Variants in RGS6 observed in about 807,000 individuals in gnomAD.
RGS6 encodes the protein regulator of G-protein signaling 6.
RGS6 carries 30 observed loss-of-function variants against 78.5 expected under a neutral mutation model. The ratio of observed to expected loss-of-function variants is 0.38; its 90% CI spans 0.29 to 0.52. The LOEUF (loss-of-function observed/expected upper bound fraction) is 0.52. Ranked by LOEUF, RGS6 falls within the 20% of genes least tolerant of loss-of-function variation. The pLI is 0.85. For synonymous variants in RGS6, 206 were observed against 206.0 expected (o/e 1.00, Z 0.00); for missense variants, 495 against 609.7 (o/e 0.81, Z 1.98).
At chr14:72,551,861 T>A (rs1368686114) in intron 17 of RGS6, among the ~76,000 whole-genome samples, 1 of 152,240 alleles carries the variant, frequency 6.6e-6, no homozygotes, top group Non-Finnish European at 1.5e-5. Flanking sequence ...ATCACTTAGT[T>A]GTTTGAATTG....
At chr14:72,056,201 G>A (rs1037781557) in intron 2 of RGS6, among the ~76,000 whole-genome samples, 5 of 152,186 alleles carry the variant, frequency 3.3e-5, no homozygotes, top group African/African-American at 1.2e-4. Context: ...GGGATGTGAA[G>A]CCCAGAGAAG....
rs192116248 is a variant in RGS6, at chr14:71,964,398, C to T, written c.-20-374C>T. Reference sequence around the variant, plus strand: ...GCACATGCCTGTAATGCCAGCTACTCGGGAGGCTGAGGCAGGAGAATCACT... The same window carrying T: ...GCACATGCCTGTAATGCCAGCTACTTGGGAGGCTGAGGCAGGAGAATCACT... On this transcript the variant is annotated intron_variant, in intron 1 of 17. Coordinates refer to ENST00000553525, the MANE Select transcript of RGS6 (RefSeq NM_001204424.2). Among the ~76,000 whole-genome samples the T allele has an allele frequency of 2.2e-3, 337 of 152,006 alleles. 2 individuals are homozygous for T. The highest frequency in any genetic ancestry group is 2.4e-3 in the Non-Finnish European group (162 of 67,980).
intron 3 of RGS6, among the ~76,000 whole-genome samples, chr14:72,412,749 G>C (rs1177057927): frequency 6.6e-6 from 1 of 152,172 alleles, no homozygotes; most frequent in Non-Finnish European, 1.5e-5. Flanking sequence ...ATGTGTCCCA[G>C]AGATTCTGGT....
chr14:72,269,567 ATTTTTTTTT>A (rs56171281), intron 2 of RGS6, among the ~76,000 whole-genome samples: 4 of 120,334 alleles, frequency 3.3e-5, no homozygotes, highest in African/African-American at 1.3e-4. Flanking sequence ...CCTATCTTAA[ATTTTTTTTT>A]TTTTTTTTTT....
chr14:72,253,791 C>T (rs144303899), intron 2 of RGS6, among the ~76,000 whole-genome samples: 227 of 152,320 alleles, frequency 1.5e-3, no homozygotes, highest in Admixed American at 2.7e-3. Context: ...CCAACCTATG[C>T]TGGACATTCA....
At chr14:72,076,706 C>T (rs1030869840) in intron 2 of RGS6, among the ~76,000 whole-genome samples, 6 of 151,756 alleles carry the variant, frequency 4.0e-5, no homozygotes, top group Non-Finnish European at 7.4e-5. Context: ...TTTAAAATCT[C>T]GTTTTGTAGA....
chr14:72,209,664 G>T (rs530987611), intron 2 of RGS6, among the ~76,000 whole-genome samples: 2 of 152,280 alleles, frequency 1.3e-5, no homozygotes, highest in African/African-American at 4.8e-5. Context: ...TAGATGGCCA[G>T]GAGAAAAGCA....
chr14:71,975,693 G>A (rs978838179), intron 2 of RGS6, among the ~76,000 whole-genome samples: 4 of 152,110 alleles, frequency 2.6e-5, no homozygotes, highest in Admixed American at 6.5e-5. Flanking sequence ...TCTTGACCTC[G>A]TGATCCTCCC....
Position 72,191,874 on chromosome 14 carries a change from C to T in RGS6, c.85-160221C>T, listed in dbSNP as rs114048440. Among the ~76,000 whole-genome samples, 322 of 152,316 alleles carry T rather than the reference C, an allele frequency of 2.1e-3. 1 individual carries two copies. The highest frequency in any genetic ancestry group is 7.3e-3 in the African/African-American group (305 of 41,562). Reference sequence around the variant, plus strand: ...CATCTCTGCTGAGCTGGCCCCTGCTCATCCTTCAGAACTCGATCAAGTGCT... The same window carrying T: ...CATCTCTGCTGAGCTGGCCCCTGCTTATCCTTCAGAACTCGATCAAGTGCT... On this transcript the variant is annotated intron_variant, in intron 2 of 17. Transcript: ENST00000553525.
chr14:71,990,583 C>T (rs1482724260), intron 2 of RGS6: 1 of 455,956 alleles, frequency 2.2e-6, no homozygotes, highest in East Asian at 6.9e-5. Flanking sequence ...ATTTCACAAG[C>T]ATTCTGTCTT....
Position 72,159,458 on chromosome 14 carries a change from C to T in RGS6, c.85-192637C>T, listed in dbSNP as rs547527057. Among the ~76,000 whole-genome samples the T allele has an allele frequency of 1.4e-4, 22 of 152,306 alleles. No homozygotes were observed. In the South Asian group the frequency reaches 4.1e-3, roughly 29 times the overall value. ...CTCAAAGCAGAACTTTGCCTCTTGG[C>T]CTCTCAGTCAATTGTGATCTGACTG... is the stretch of plus-strand genomic sequence containing the variant. On this transcript the variant is annotated intron_variant, in intron 2 of 17. Coordinates refer to ENST00000553525, the MANE Select transcript of RGS6 (RefSeq NM_001204424.2).
chr14:71,967,722 T>A (rs2093605738), intron 2 of RGS6, among the ~76,000 whole-genome samples: 1 of 152,200 alleles, frequency 6.6e-6, no homozygotes, highest in Admixed American at 6.5e-5. Context: ...TTGTGTTGAT[T>A]CAGATGCTGA....
At chr14:72,017,806 T>C (rs1010727500) in intron 2 of RGS6, among the ~76,000 whole-genome samples, 2 of 152,078 alleles carry the variant, frequency 1.3e-5, no homozygotes, top group African/African-American at 4.8e-5. Context: ...AGTTCCAGGG[T>C]ACATGTGCAG....
At chr14:72,014,915 T>C (rs1474932257) in intron 2 of RGS6, among the ~76,000 whole-genome samples, 1 of 152,218 alleles carries the variant, frequency 6.6e-6, no homozygotes, top group East Asian at 1.9e-4. Context: ...CAGGTGTGCT[T>C]GTACCTTTTG....
chr14:72,021,041 C>A (rs1487359239), intron 2 of RGS6, among the ~76,000 whole-genome samples: 1 of 152,218 alleles, frequency 6.6e-6, no homozygotes, highest in Non-Finnish European at 1.5e-5. Flanking sequence ...GTCTTGCCAA[C>A]TGGGACCAAG....
intron 2 of RGS6, among the ~76,000 whole-genome samples, chr14:72,215,774 C>T (rs913485746): frequency 1.6e-4 from 24 of 152,122 alleles, no homozygotes; most frequent in Admixed American, 1.2e-3. Context: ...GTAAGCATGC[C>T]AGGGCAAATA....
In RGS6 at chr14:72,049,522, C is replaced by T. The variant is rs185497506; in HGVS notation, c.84+84647C>T. Among the ~76,000 whole-genome samples the T allele has an allele frequency of 9.2e-5, 14 of 152,308 alleles. No individual in the cohort carries two copies. The East Asian group carries it at 2.3e-3, about 25-fold the overall frequency. ...AAATCTCTCATCTTTTGCAGATGCA[C>T]TGAGATCCCATCAGTAGACAGAGAA... On this transcript the variant is annotated intron_variant, in intron 2 of 17. Coordinates refer to ENST00000553525, the MANE Select transcript of RGS6 (RefSeq NM_001204424.2).
chr14:72,209,959 CA>C (rs1474287715), intron 2 of RGS6, among the ~76,000 whole-genome samples: 1 of 152,124 alleles, frequency 6.6e-6, no homozygotes, highest in African/African-American at 2.4e-5. Flanking sequence ...ATGGTCTTAT[CA>C]AAACTAATTA....
intron 2 of RGS6, among the ~76,000 whole-genome samples, chr14:72,090,541 C>T (rs1295156530): frequency 1.3e-5 from 2 of 152,194 alleles, no homozygotes; most frequent in Non-Finnish European, 2.9e-5. Context: ...TCTATGATTA[C>T]AATAAATGTA....
Sources: allele counts gnomAD v4.1 joint callset (sites outside exome capture counted in the v4.1 genomes callset), GRCh38; gene constraint gnomAD v4.1.1; transcripts MANE v1.5; gene names NCBI Gene and HGNC (gene_info 2026-07-23, HGNC 2026-07-21).